ENOX1: variants seen among roughly 807,000 people sequenced by gnomAD.
ENOX1 encodes the protein ecto-NOX disulfide-thiol exchanger 1, also known as candidate growth-related and time keeping constitutive hydroquinone (NADH) oxidase.
Under a neutral mutation model 82.5 loss-of-function variants are expected in ENOX1, and 42 were observed. The ratio of observed to expected loss-of-function variants is 0.51; its 90% CI spans 0.40 to 0.66. The LOEUF (loss-of-function observed/expected upper bound fraction) is 0.66, where lower values mean the gene tolerates loss of function less well. ENOX1 is among the 30% of genes least tolerant of loss of function. The probability of loss-of-function intolerance (pLI) is 0.00; values close to 1 mark genes in which losing one functional copy is unlikely to be tolerated. For synonymous variants in ENOX1, 271 were observed against 282.2 expected, an observed-to-expected ratio of 0.96 and a Z score of 0.40; for missense variants, 608 against 811.6, an observed-to-expected ratio of 0.75 and a Z score of 3.05.
intron 11 of ENOX1, among the ~76,000 whole-genome samples, chr13:43,319,855 C>T (rs551700285): frequency 6.6e-6 from 1 of 152,316 alleles, no homozygotes; most frequent in African/African-American, 2.4e-5. Context: ...ACAGCACTGG[C>T]AATTCCCCTG....
chr13:43,727,280 A>T (rs1469363441), intron 1 of ENOX1, among the ~76,000 whole-genome samples: 1 of 152,190 alleles, frequency 6.6e-6, no homozygotes, highest in Non-Finnish European at 1.5e-5. Flanking sequence ...TAAGAGACCA[A>T]CATCTTCCTC....
chr13:43,644,842 C>T (rs1415552398), intron 2 of ENOX1, among the ~76,000 whole-genome samples: 1 of 152,160 alleles, frequency 6.6e-6, no homozygotes, highest in Non-Finnish European at 1.5e-5. Flanking sequence ...AACATGGATC[C>T]TTGCTCTTCC....
chr13:43,238,332 G>T (rs569060086), intron 14 of ENOX1, among the ~76,000 whole-genome samples: 1 of 152,352 alleles, frequency 6.6e-6, no homozygotes, highest in East Asian at 1.9e-4. Flanking sequence ...ATGTAGATGG[G>T]ATTAGAACAT....
intron 5 of ENOX1, among the ~76,000 whole-genome samples, chr13:43,390,059 T>C (rs1053861291): frequency 3.3e-5 from 5 of 152,210 alleles, no homozygotes; most frequent in African/African-American, 9.6e-5. Flanking sequence ...AGGTCTATTA[T>C]CTACATGTGT....
At chr13:43,245,909 G>A (rs567073758) in intron 14 of ENOX1, among the ~76,000 whole-genome samples, 14 of 152,274 alleles carry the variant, frequency 9.2e-5, no homozygotes, top group African/African-American at 2.9e-4. Context: ...TCCAAGAACC[G>A]TGTTTTCTAA....
chr13:43,470,179 T>TAC (rs1491242157), intron 3 of ENOX1, among the ~76,000 whole-genome samples: 2 of 57,518 alleles, frequency 3.5e-5, no homozygotes, highest in African/African-American at 8.4e-5. Flanking sequence ...GTTTTCAAAC[T>TAC]ATATGTGTGT....
chr13:43,231,393 G>A (rs1210753133), intron 15 of ENOX1, among the ~76,000 whole-genome samples: 2 of 152,146 alleles, frequency 1.3e-5, no homozygotes, highest in Non-Finnish European at 2.9e-5. Context: ...AAACACTTGT[G>A]GTTTGGGCTG....
At chr13:43,706,977 G>C (rs949393472) in intron 1 of ENOX1, among the ~76,000 whole-genome samples, 7 of 151,720 alleles carry the variant, frequency 4.6e-5, no homozygotes, top group African/African-American at 1.7e-4. Context: ...CCTCACTCCC[G>C]ACCCAGACAA....
intron 5 of ENOX1, among the ~76,000 whole-genome samples, chr13:43,373,236 T>A (rs749518438): frequency 6.6e-6 from 1 of 152,078 alleles, no homozygotes; most frequent in South Asian, 2.1e-4. Flanking sequence ...CTGTCCTAAC[T>A]TCTTTGGGTG....
chr13:43,596,050 A>C (rs1739306105), intron 2 of ENOX1, among the ~76,000 whole-genome samples: 1 of 152,222 alleles, frequency 6.6e-6, no homozygotes, highest in Admixed American at 6.5e-5. Flanking sequence ...CTTCAGAAAC[A>C]CAGATGTTAT....
At chr13:43,278,949 ATGT>A (rs2045222001) in intron 12 of ENOX1, among the ~76,000 whole-genome samples, 2 of 152,306 alleles carry the variant, frequency 1.3e-5, no homozygotes, top group East Asian at 1.9e-4. Context: ...AATGAAAATA[ATGT>A]TGTCTAAATT....
At chr13:43,650,836 C>T (rs2084132396) in intron 2 of ENOX1, among the ~76,000 whole-genome samples, 1 of 152,162 alleles carries the variant, frequency 6.6e-6, no homozygotes, top group African/African-American at 2.4e-5. Context: ...AAGACTCCGT[C>T]TCAAAAGCAA....
intron 15 of ENOX1, among the ~76,000 whole-genome samples, chr13:43,225,853 A>T (rs2042001976): frequency 6.6e-6 from 1 of 152,206 alleles, no homozygotes; most frequent in African/African-American, 2.4e-5. Flanking sequence ...TTCCCTGTAA[A>T]GGTAGAATCT....
At position 43,213,611 on chromosome 13, in the gene ENOX1, C is replaced by T. The variant is rs1183471530; in HGVS notation, c.*379G>A. The T allele has an allele frequency of 8.3e-6, 1 of 120,990 alleles. No individual in the cohort carries two copies. Among genetic ancestry groups the T allele is most frequent in the Non-Finnish European group, 1.6e-5 (1 of 62,220 alleles). 7.5% of individuals were successfully genotyped at this position (120,990 alleles called of 1,614,324 possible). ...TCAGGAAAATGTCATTTAATGATTT[C>T]AGCTATACATTACATATACAACTCT... On this transcript the variant is annotated 3_prime_UTR_variant, in exon 17 of 17. Transcript: ENST00000690772.
chr13:43,314,575 T>C (rs1182589231), intron 11 of ENOX1, among the ~76,000 whole-genome samples: 4 of 152,212 alleles, frequency 2.6e-5, no homozygotes, highest in African/African-American at 7.2e-5. Context: ...AGAGGAGAAT[T>C]AGGACAATGA....
intron 2 of ENOX1, among the ~76,000 whole-genome samples, chr13:43,485,574 G>C (rs187870060): frequency 6.6e-6 from 1 of 152,192 alleles, no homozygotes; most frequent in East Asian, 1.9e-4. Flanking sequence ...CCAGAGCCTA[G>C]GATTATTACA....
At chr13:43,398,924 T>C (rs1230240253) in intron 5 of ENOX1, among the ~76,000 whole-genome samples, 1 of 151,286 alleles carries the variant, frequency 6.6e-6, no homozygotes, top group East Asian at 2.0e-4. Flanking sequence ...GCCTCCTGAG[T>C]AGCTGGGACT....
At position 43,470,298 on chromosome 13, in the gene ENOX1, A is replaced by G. The variant is rs190846191; in HGVS notation, c.-75+13711T>C. Among the ~76,000 whole-genome samples the G allele has an allele frequency of 6.3e-3, 316 of 50,402 alleles. 51 individuals are homozygous for G. The highest frequency in any genetic ancestry group is 0.011 in the East Asian group (35 of 3,118). 33.1% of individuals were successfully genotyped at this position (50,402 alleles called of 152,430 possible). A position where few individuals can be genotyped will look rare whatever the true frequency, so the allele number is the denominator to read the frequency against. On this transcript the variant is annotated intron_variant, in intron 3 of 16. Coordinates refer to ENST00000690772, the MANE Select transcript of ENOX1 (RefSeq NM_001347969.2). Reference sequence around the variant, plus strand: ...CATATATATACATATATATATACACATATATATACATATATATACACATAT... The same window carrying G: ...CATATATATACATATATATATACACGTATATATACATATATATACACATAT...
intron 14 of ENOX1, among the ~76,000 whole-genome samples, chr13:43,251,271 G>C (rs2043439304): frequency 6.6e-6 from 1 of 152,146 alleles, no homozygotes; most frequent in African/African-American, 2.4e-5. Flanking sequence ...AAGTTAACTG[G>C]AGTGATGTGT....
Sources: allele counts gnomAD v4.1 joint callset (sites outside exome capture counted in the v4.1 genomes callset), GRCh38; gene constraint gnomAD v4.1.1; transcripts MANE v1.5; gene names NCBI Gene and HGNC (gene_info 2026-07-23, HGNC 2026-07-21).